The following HHIPL2 variants were observed in gnomAD, a reference collection of about 807,000 sequenced individuals.
HHIPL2 encodes HHIP-like protein 2.
A neutral mutation model predicts 61.0 loss-of-function variants in HHIPL2; 61 were observed. The ratio of observed to expected loss-of-function variants is 1.00; its 90% CI spans 0.81 to 1.24. The LOEUF is 1.24. HHIPL2 is among the 50% of genes most tolerant of loss of function. HHIPL2 has a pLI of 0.00. For synonymous variants in HHIPL2, 343 were observed against 357.4 expected, an observed-to-expected ratio of 0.96 and a Z score of 0.45; for missense variants, 885 against 910.2, an observed-to-expected ratio of 0.97 and a Z score of 0.36.
In HHIPL2 at chr1:222,538,717, C is replaced by T. The variant is rs375877309; in HGVS notation, c.1508G>A (p.Gly503Asp). ...GHAVGKSVTG[G>D]YVYRGCESPN... is the part of the protein sequence containing the mutation. Reference sequence around the variant, plus strand: ...GGATTCACAACCACGATAGACATAACCTCCAGTGACTGACTTCCCCACTGC... The same window carrying T: ...GGATTCACAACCACGATAGACATAATCTCCAGTGACTGACTTCCCCACTGC... Residue 503 changes from glycine (G) to aspartate (D), a missense_variant, in exon 5 of 9, where the codon GGT (glycine) becomes GAT (aspartate). Transcript: ENST00000343410. 2 of 1,613,810 alleles carry T rather than the reference C, an allele frequency of 1.2e-6. No homozygotes were observed. The highest frequency in any genetic ancestry group is 1.1e-5 in the South Asian group (1 of 91,074).
chr1:222,548,094 C>A lies in HHIPL2; in HGVS notation c.-50G>T. 2 of 1,342,924 alleles carry A rather than the reference C, an allele frequency of 1.5e-6. No homozygotes were observed. Among genetic ancestry groups the A allele is most frequent in the Non-Finnish European group, 2.0e-6 (2 of 979,708 alleles). 83.2% of individuals were successfully genotyped at this position (1,342,924 alleles called of 1,614,324 possible). ...GCTGTGTTTGCTCAGGTTGGCTTCC[C>A]TGCTCTGCCCAAGGTCCTCCCTCTC... is the stretch of plus-strand genomic sequence containing the variant. On this transcript the variant is annotated 5_prime_UTR_variant, in exon 1 of 9. It adds an upstream start codon to the 5' untranslated region. Coordinates refer to ENST00000343410, the MANE Select transcript of HHIPL2 (RefSeq NM_024746.4).
chr1:222,532,697 C>A (rs956781863), intron 5 of HHIPL2, among the ~76,000 whole-genome samples: 3 of 151,934 alleles, frequency 2.0e-5, no homozygotes, highest in African/African-American at 7.3e-5. Context: ...GTTGTGTGAC[C>A]TTTGGGTAGT....
At chr1:222,523,791 T>G (rs2102607577) in intron 7 of HHIPL2, 97 bp from the exon 8 acceptor site, 4 of 1,161,864 alleles carry the variant, frequency 3.4e-6, no homozygotes, top group Non-Finnish European at 5.2e-6. Context: ...AGAATTGGGG[T>G]CAGCCTTTAC....
Position 222,540,150 on chromosome 1 carries a change from C to T in HHIPL2, c.1310G>A (p.Arg437Gln), listed in dbSNP as rs759913083. 5.6e-6 allele frequency: 9 copies of T among 1,614,268 alleles called. No individual in the cohort carries two copies. The East Asian group carries it at 8.9e-5, about 16-fold the overall frequency. Residue 437 changes from arginine (R) to glutamine (Q), a missense_variant, in exon 4 of 9, where the codon CGA becomes CAA. Physicochemically the swap from Arg to Gln is conservative, Grantham distance 43. Coordinates refer to ENST00000343410, the MANE Select transcript of HHIPL2 (RefSeq NM_024746.4). ...CACGTCCCCACAGAATATCCGGCCT[C>T]GGCCCTGGCGCGTGATGGGGTCCCC... ...DRGDPITRQG[R>Q]GRIFCGDVGQ...
intron 2 of HHIPL2, 93 bp downstream of exon 2, chr1:222,543,444 A>G: frequency 7.9e-7 from 1 of 1,262,276 alleles, no homozygotes; most frequent in Non-Finnish European, 1.1e-6. Flanking sequence ...TAGTGCTCTA[A>G]AACCAGTGAA....
chr1:222,529,403 G>A (rs564379020), intron 6 of HHIPL2, among the ~76,000 whole-genome samples: 58 of 152,270 alleles, frequency 3.8e-4, no homozygotes, highest in African/African-American at 1.3e-3. Flanking sequence ...AAAGGTCCAC[G>A]TGTACACAGG....
chr1:222,533,305 C>T (rs976858555), intron 5 of HHIPL2, among the ~76,000 whole-genome samples: 6 of 149,222 alleles, frequency 4.0e-5, no homozygotes, highest in South Asian at 2.1e-4. Flanking sequence ...GCAGAGGTTG[C>T]GGTGAGCCGA....
rs765530298 is a variant in HHIPL2, at chr1:222,543,663, A to T, written c.848T>A (p.Phe283Tyr). ...AATATAGAACTTGCGATTGTGGCGG[A>T]ATTTGGGGTGAAAAGCCAACCCCAA... The part of the protein sequence containing the change: ...GFLGLAFHPK[F>Y]RHNRKFYIYY... Residue 283 changes from phenylalanine to tyrosine, a missense_variant, in exon 2 of 9, where the codon TTC becomes TAC. Coordinates refer to ENST00000343410, the MANE Select transcript of HHIPL2 (RefSeq NM_024746.4). 1 of 1,614,112 alleles carries T rather than the reference A, an allele frequency of 6.2e-7. No homozygotes were observed. Among genetic ancestry groups the T allele is most frequent in the South Asian group, 1.1e-5 (1 of 91,072 alleles).
At position 222,532,086 on chromosome 1, in the gene HHIPL2, T is replaced by A; in HGVS notation, c.1603A>T (p.Arg535Ter). 4.3e-6 allele frequency: 7 copies of A among 1,613,882 alleles called. No individual in the cohort carries two copies. Among genetic ancestry groups the A allele is most frequent in the Non-Finnish European group, 5.9e-6 (7 of 1,179,820 alleles). ...TGCTTCTTCCATTTCTTGTTTTTTC[T>A]ATCTTCCTGCAAAGCCATAAGTCGA... ...SGRLMALQED[R>*]KNKKWKKQDL... The change falls in exon 6 of 9, where the codon AGA (arginine) becomes TGA (stop). Residue 535 changes from arginine to a stop codon, truncating the protein, a stop_gained. Coordinates refer to ENST00000343410, the MANE Select transcript of HHIPL2 (RefSeq NM_024746.4). LOFTEE classifies it high-confidence loss of function.
chr1:222,543,431 G>C, intron 2 of HHIPL2, 106 bp downstream of exon 2: 1 of 1,125,238 alleles, frequency 8.9e-7, no homozygotes, highest in Non-Finnish European at 1.3e-6. Flanking sequence ...TCAACAGTTC[G>C]AGTAGTGCTC....
In HHIPL2 at chr1:222,522,527, T is replaced by C. The variant is rs985382697; in HGVS notation, c.*74A>G. On this transcript the variant is annotated 3_prime_UTR_variant, in exon 9 of 9. Coordinates refer to ENST00000343410, the MANE Select transcript of HHIPL2 (RefSeq NM_024746.4). Reference sequence around the variant, plus strand: ...GCTTCCCAGACTTCTAAGGTCTTTATTCAGCAGTGACTTTCATTTGATGAG... The same window carrying C: ...GCTTCCCAGACTTCTAAGGTCTTTACTCAGCAGTGACTTTCATTTGATGAG... 1 of 1,510,122 alleles carries C rather than the reference T, an allele frequency of 6.6e-7. No homozygotes were observed. Among genetic ancestry groups the C allele is most frequent in the East Asian group, 2.3e-5 (1 of 44,314 alleles). The allele number at this position is 1,510,122 out of a possible 1,614,324, so 93.5% of individuals were successfully genotyped here.
intron 5 of HHIPL2, among the ~76,000 whole-genome samples, chr1:222,534,438 G>A (rs1008302277): frequency 1.5e-4 from 23 of 152,072 alleles, no homozygotes; most frequent in South Asian, 8.3e-4. Flanking sequence ...TTAGCTGGGC[G>A]TGGTGGCGGA....
At chr1:222,542,271 A>T in intron 2 of HHIPL2, 116 bp from the exon 3 acceptor site, 2 of 1,201,546 alleles carry the variant, frequency 1.7e-6, no homozygotes, top group Non-Finnish European at 1.2e-6. Flanking sequence ...GCCAGCCAAG[A>T]CCTGCTTCTG....
chr1:222,526,665 A>G (rs1360702422), intron 7 of HHIPL2, among the ~76,000 whole-genome samples: 1 of 139,850 alleles, frequency 7.2e-6, no homozygotes, highest in African/African-American at 2.7e-5. Flanking sequence ...AGATGGCACC[A>G]TTGCACTCCA....
intron 6 of HHIPL2, among the ~76,000 whole-genome samples, chr1:222,531,565 C>T (rs4846762): frequency 3.3e-5 from 5 of 151,812 alleles, no homozygotes; most frequent in Non-Finnish European, 7.4e-5. Context: ...ACGGCCAACA[C>T]GGCAAAACCC....
At position 222,540,102 on chromosome 1, in the gene HHIPL2, A is replaced by G. The variant is rs771350834; in HGVS notation, c.1358T>C (p.Val453Ala). Reference sequence around the variant, plus strand: ...GTTTCCACCTTTCAAAATGAGGTCAACCTCTTCAAACCTGTTCTGGCCCAC... The same window carrying G: ...GTTTCCACCTTTCAAAATGAGGTCAGCCTCTTCAAACCTGTTCTGGCCCAC... ...GDVGQNRFEE[V>A]DLILKGGNYG... The change falls in exon 4 of 9, where the codon GTT becomes GCT. Residue 453 changes from valine (V) to alanine (A), a missense_variant. Transcript: ENST00000343410. 87 of 1,614,080 alleles carry G rather than the reference A, an allele frequency of 5.4e-5. No individual in the cohort carries two copies. The highest frequency in any genetic ancestry group is 8.8e-5 in the South Asian group (8 of 91,092).
Position 222,527,051 on chromosome 1 carries a change from C to G in HHIPL2, c.1724-1G>C, listed in dbSNP as rs1659084227. The G allele has an allele frequency of 1.9e-6, 3 of 1,611,464 alleles. No homozygotes were observed. Among genetic ancestry groups the G allele is most frequent in the Non-Finnish European group, 2.5e-6 (3 of 1,178,422 alleles). ...GAGGTCGCCAGGAAATACAGCTCCCCTAAGGCAACAAAAATAGACAGGCAA... is the reference window on the plus strand; with the variant it reads ...GAGGTCGCCAGGAAATACAGCTCCCGTAAGGCAACAAAAATAGACAGGCAA... On this transcript the variant is annotated splice_acceptor_variant, in intron 6 of 8. Transcript: ENST00000343410. LOFTEE classifies it high-confidence loss of function.
chr1:222,535,466 C>A (rs1037292717), intron 5 of HHIPL2, among the ~76,000 whole-genome samples: 3 of 152,200 alleles, frequency 2.0e-5, no homozygotes, highest in African/African-American at 7.2e-5. Flanking sequence ...TGGCTTAAAA[C>A]AACATACACT....
In HHIPL2 at chr1:222,540,282, T is replaced by G; in HGVS notation, c.1178A>C (p.Lys393Thr). 1 of 1,614,214 alleles carries G rather than the reference T, an allele frequency of 6.2e-7. No homozygotes were observed. The highest frequency in any genetic ancestry group is 2.2e-5 in the East Asian group (1 of 44,880). Reference sequence around the variant, plus strand: ...ATTGTCCGAGGGGACTCGGTACCGCTTGCCATGTGAGCCTGCCCTGTTCAC... The same window carrying G: ...ATTGTCCGAGGGGACTCGGTACCGCGTGCCATGTGAGCCTGCCCTGTTCAC... ...IDVNRAGSHGKRYRVPSDNPF... is the reference protein window; with the variant it reads ...IDVNRAGSHGTRYRVPSDNPF... Residue 393 changes from lysine to threonine, a missense_variant, in exon 4 of 9, where the codon AAG becomes ACG. Physicochemically the swap from Lys to Thr is moderately conservative, Grantham distance 78. Transcript: ENST00000343410.
Sources: gnomAD v4.1 joint callset for allele counts (sites outside exome capture counted in the v4.1 genomes callset) on GRCh38, gnomAD v4.1.1 for gene constraint, MANE v1.5 for transcripts, NCBI Gene and HGNC (gene_info 2026-07-23, HGNC 2026-07-21) for gene names.